Variants in DMD observed in about 807,000 individuals in gnomAD.
The protein encoded by DMD is dystrophin.
In DMD, 63 loss-of-function variants were observed where a neutral mutation model predicts 330.1. The ratio of observed to expected loss-of-function variants is 0.19; its 90% confidence interval spans 0.16 to 0.24. The LOEUF is 0.24. DMD is among the 10% of genes least tolerant of loss of function. DMD has a pLI of 1.00. For synonymous variants in DMD, 1,223 were observed against 959.8 expected (o/e 1.27, Z -5.07); for missense variants, 3,344 against 2,684.1 (o/e 1.25, Z -5.43).
chrX:33,044,772 C>T (rs953516796), intron 1 of DMD, among the ~76,000 whole-genome samples: 4 of 111,843 alleles, frequency 3.6e-5, no homozygotes, highest in East Asian at 2.8e-4. Flanking sequence ...ATTTATTCTG[C>T]GTTCAATGTT....
At chrX:31,665,378 C>G (rs1375929284) in intron 53 of DMD, among the ~76,000 whole-genome samples, 1 of 111,640 alleles carries the variant, frequency 9.0e-6, no homozygotes, top group African/African-American at 3.3e-5. Context: ...TTCTATAAAT[C>G]CTTATTGGGA....
chrX:31,345,223 T>C (rs1347632767), intron 61 of DMD, among the ~76,000 whole-genome samples: 1 of 111,794 alleles, frequency 8.9e-6, no homozygotes, highest in East Asian at 2.8e-4. Flanking sequence ...GATCAGTCTC[T>C]TTATGAATAC....
At chrX:31,665,401 A>T (rs1175930746) in intron 53 of DMD, among the ~76,000 whole-genome samples, 1 of 111,899 alleles carries the variant, frequency 8.9e-6, no homozygotes. Context: ...AGAGAAGCAC[A>T]ATTTCTTCCC....
chrX:31,655,093 A>G (rs2080701296), intron 54 of DMD, among the ~76,000 whole-genome samples: 1 of 111,725 alleles, frequency 9.0e-6, no homozygotes, highest in South Asian at 3.7e-4. Flanking sequence ...TAAACTGCTT[A>G]ACCCATTTAT....
intron 67 of DMD, among the ~76,000 whole-genome samples, chrX:31,185,842 C>T (rs1331270395): frequency 9.0e-6 from 1 of 110,659 alleles, no homozygotes; most frequent in Non-Finnish European, 1.9e-5. Context: ...AAAGCTTGAG[C>T]CTAGAATAAA....
intron 18 of DMD, among the ~76,000 whole-genome samples, chrX:32,511,404 C>A (rs1270505740): frequency 2.8e-5 from 3 of 107,330 alleles, no homozygotes; most frequent in African/African-American, 1.0e-4. Flanking sequence ...TGCCTGTAGT[C>A]CCAGCTACTC....
At chrX:32,546,347 C>A (rs746829800) in intron 16 of DMD, among the ~76,000 whole-genome samples, 1 of 109,077 alleles carries the variant, frequency 9.2e-6, no homozygotes, top group East Asian at 2.9e-4. Flanking sequence ...TTGAAACTGC[C>A]TCTGGTTACA....
chrX:33,028,599 T>C (rs1226636370), intron 1 of DMD, among the ~76,000 whole-genome samples: 2 of 112,234 alleles, frequency 1.8e-5, no homozygotes, highest in East Asian at 5.6e-4. Flanking sequence ...TTTAGTCCTT[T>C]GTTCATGCAC....
chrX:31,159,439 T>C (rs1302109991), intron 74 of DMD, among the ~76,000 whole-genome samples: 1 of 111,884 alleles, frequency 8.9e-6, no homozygotes, highest in Non-Finnish European at 1.9e-5. Flanking sequence ...ATATTTTAAC[T>C]ATTAAGATAG....
At chrX:32,967,771 C>T (rs750567229) in intron 2 of DMD, among the ~76,000 whole-genome samples, 5 of 111,411 alleles carry the variant, frequency 4.5e-5, no homozygotes, top group Non-Finnish European at 9.4e-5. Flanking sequence ...CCTTTAGAAA[C>T]AAGATTGAAA....
chrX:32,208,316 G>T (rs1335189968), intron 44 of DMD, among the ~76,000 whole-genome samples: 1 of 111,779 alleles, frequency 8.9e-6, no homozygotes, highest in Non-Finnish European at 1.9e-5. Context: ...AATAGAAATT[G>T]CACATCAATC....
chrX:31,728,129 T>A (rs750839322), intron 52 of DMD, among the ~76,000 whole-genome samples: 18 of 111,918 alleles, frequency 1.6e-4, no homozygotes, highest in Admixed American at 1.3e-3. Context: ...TTCACGCCAT[T>A]CTCCTGCCTC....
intron 2 of DMD, among the ~76,000 whole-genome samples, chrX:32,868,777 G>A (rs1479086069): frequency 1.8e-5 from 2 of 112,126 alleles, no homozygotes; most frequent in African/African-American, 3.3e-5. Flanking sequence ...CTAGGGGGAG[G>A]GGTGGCCATG....
At chrX:32,345,381 T>A (rs1247879811) in intron 39 of DMD, among the ~76,000 whole-genome samples, 1 of 111,795 alleles carries the variant, frequency 8.9e-6, no homozygotes, top group Non-Finnish European at 1.9e-5. Context: ...AAGTAGCAGT[T>A]CTTATTCAAG....
chrX:31,585,323 CA>C (rs1213158531), intron 55 of DMD, among the ~76,000 whole-genome samples: 455 of 36,102 alleles, frequency 0.013, 2 homozygotes, highest in African/African-American at 0.023. Flanking sequence ...GACCCTGTCT[CA>C]AAAAAAAAAA....
Position 32,878,271 on chromosome X carries a change from G to A in DMD, c.94-28451C>T, listed in dbSNP as rs1039528118. ...CGGGCGCCTGTAGTCCCAGCTACTC[G>A]GGAGGCTAAGGCAGGAGAATGGCAT... On this transcript the variant is annotated intron_variant, in intron 2 of 78. Coordinates refer to ENST00000357033, the MANE Select transcript of DMD (RefSeq NM_004006.3). Among the ~76,000 whole-genome samples, 13 of 110,812 alleles carry A rather than the reference G, an allele frequency of 1.2e-4. 1 individual carries two copies. In the South Asian group the frequency reaches 5.1e-3, roughly 43 times the overall value.
intron 1 of DMD, among the ~76,000 whole-genome samples, chrX:33,050,265 C>A (rs1042822229): frequency 2.7e-5 from 3 of 111,525 alleles, no homozygotes; most frequent in African/African-American, 6.5e-5. Flanking sequence ...ATAATAAGTT[C>A]TCTATGCTGC....
intron 1 of DMD, among the ~76,000 whole-genome samples, chrX:33,235,916 A>ATTT (rs1210743904): frequency 4.6e-5 from 4 of 87,133 alleles, no homozygotes; most frequent in South Asian, 6.4e-4. Flanking sequence ...TATTATTATT[A>ATTT]TTTTTTTTTT....
At chrX:33,261,945 C>CACT (rs200737444) in intron 1 of DMD, among the ~76,000 whole-genome samples, 14,324 of 104,341 alleles carry the variant, frequency 0.14, 1,159 homozygotes, top group African/African-American at 0.36. Context: ...CCACCACCAC[C>CACT]ACCACCACCA....
Sources: gnomAD v4.1 joint callset for allele counts (sites outside exome capture counted in the v4.1 genomes callset) on GRCh38, gnomAD v4.1.1 for gene constraint, MANE v1.5 for transcripts, NCBI Gene and HGNC (gene_info 2026-07-23, HGNC 2026-07-21) for gene names.